SH3YL1: variants seen among roughly 807,000 people sequenced by gnomAD.
SH3YL1 encodes SH3 domain-containing YSC84-like protein 1.
A neutral mutation model predicts 45.8 loss-of-function variants in SH3YL1; 41 were observed. The observed-to-expected ratio is 0.89, with a 90% CI of 0.70 to 1.16. The LOEUF (loss-of-function observed/expected upper bound fraction) is 1.16, where lower values mean the gene tolerates loss of function less well. Among genes scored for constraint, SH3YL1 ranks in the 50% most tolerant of loss-of-function variants. The probability of loss-of-function intolerance (pLI) is 0.00; values close to 1 mark genes in which losing one functional copy is unlikely to be tolerated. For missense variants in SH3YL1, 389 were observed against 409.6 expected (o/e 0.95, Z 0.43); for synonymous variants, 152 against 151.4 (o/e 1.00, Z -0.03).
chr2:233,607 T>C (rs781128251), intron 5 of SH3YL1, among the ~76,000 whole-genome samples: 5 of 152,362 alleles, frequency 3.3e-5, no homozygotes, highest in African/African-American at 7.2e-5. Context: ...TATTTTTGCA[T>C]TGAGTATTTT....
At chr2:251,140 C>G (rs1332057807) in intron 2 of SH3YL1, among the ~76,000 whole-genome samples, 1 of 152,156 alleles carries the variant, frequency 6.6e-6, no homozygotes, top group Non-Finnish European at 1.5e-5. Context: ...CACTCAAATT[C>G]AGGGACACTA....
In SH3YL1 at chr2:239,982, T is replaced by A. The variant is rs898380155; in HGVS notation, c.292-5710A>T. ...GAAGGGGGTTTGCAAGAACACAGACTTCCTTCCCCCAGCCCCTGGTCAGGG... is the reference window on the plus strand; with the variant it reads ...GAAGGGGGTTTGCAAGAACACAGACATCCTTCCCCCAGCCCCTGGTCAGGG... On this transcript the variant is annotated intron_variant, in intron 4 of 9. Transcript: ENST00000356150. 5.9e-5 allele frequency: 9 copies of A among 152,338 alleles called. No individual in the cohort carries two copies. The East Asian group carries it at 1.7e-3, about 29-fold the overall frequency. 9.4% of individuals were successfully genotyped at this position (152,338 alleles called of 1,614,324 possible).
At chr2:252,240 T>C (rs1669100135) in intron 2 of SH3YL1, among the ~76,000 whole-genome samples, 1 of 152,230 alleles carries the variant, frequency 6.6e-6, no homozygotes, top group Non-Finnish European at 1.5e-5. Flanking sequence ...TGTTAGGAAT[T>C]ACTGATTAAT....
rs750869921 is a variant in SH3YL1, at chr2:233,150, C to T, written c.484G>A (p.Val162Met). The change falls in exon 6 of 10, where the codon GTG (valine) becomes ATG (methionine). Residue 162 changes from valine (V) to methionine (M), a missense_variant. Physicochemically the swap from Val to Met is conservative, Grantham distance 21 (BLOSUM62 1). Coordinates refer to ENST00000356150, the MANE Select transcript of SH3YL1 (RefSeq NM_015677.4). ...YCKSRGLFAG[V>M]SLEGSCLIER... ...ATCAAACAGCTCCCTTCTAAAGACA[C>T]GCCTGCAAAGAGTCCCCTTGACTTG... The T allele has an allele frequency of 3.7e-5, 59 of 1,600,490 alleles. No homozygotes were observed. The South Asian group carries it at 4.7e-4, about 13-fold the overall frequency.
intron 3 of SH3YL1, among the ~76,000 whole-genome samples, chr2:249,464 G>A (rs1418072317): frequency 1.3e-5 from 2 of 152,130 alleles, no homozygotes; most frequent in African/African-American, 2.4e-5. Context: ...TTTGCTCCAC[G>A]GAAGAATTAC....
intron 2 of SH3YL1, among the ~76,000 whole-genome samples, chr2:250,677 G>A (rs1382142332): frequency 6.6e-6 from 1 of 152,038 alleles, no homozygotes; most frequent in Non-Finnish European, 1.5e-5. Context: ...AGTCAGACAT[G>A]GGGCTCTAGT....
intron 4 of SH3YL1, among the ~76,000 whole-genome samples, chr2:243,145 G>A (rs1668621058): frequency 6.6e-6 from 1 of 152,042 alleles, no homozygotes; most frequent in African/African-American, 2.4e-5. Flanking sequence ...CAAGGATATG[G>A]AACAACTAAA....
intron 2 of SH3YL1, among the ~76,000 whole-genome samples, chr2:251,784 C>G (rs1669083627): frequency 6.6e-6 from 1 of 152,218 alleles, no homozygotes; most frequent in East Asian, 1.9e-4. Flanking sequence ...GGAGAAGTCA[C>G]CGGGCCAATG....
At chr2:247,427 A>G (rs921524511) in intron 4 of SH3YL1, 111 bp downstream of exon 4, 2 of 717,104 alleles carry the variant, frequency 2.8e-6, no homozygotes, top group Non-Finnish European at 4.4e-6. Flanking sequence ...ATTTTTCCTA[A>G]GTGCCAATGG....
chr2:245,276 T>C (rs1326555010), intron 4 of SH3YL1, among the ~76,000 whole-genome samples: 1 of 152,166 alleles, frequency 6.6e-6, no homozygotes, highest in African/African-American at 2.4e-5. Context: ...CTCCAATCCC[T>C]AGGAGATGCT....
At chr2:235,635 GGCA>G (rs1331222583) in intron 4 of SH3YL1, among the ~76,000 whole-genome samples, 9 of 103,686 alleles carry the variant, frequency 8.7e-5, no homozygotes, top group Non-Finnish European at 1.6e-4. Context: ...GGTCAGGGGA[GGCA>G]GCAGCATGGG....
At chr2:249,515 T>C (rs1212683427) in intron 3 of SH3YL1, among the ~76,000 whole-genome samples, 3 of 152,234 alleles carry the variant, frequency 2.0e-5, no homozygotes, top group African/African-American at 4.8e-5. Flanking sequence ...CTGTCTTGTC[T>C]TCTCTAATAT....
rs959240361 is a variant in SH3YL1 at position 262,836 on chromosome 2, TA to T, written c.1+1147del. 1.6e-5 allele frequency: 11 copies of T among 673,142 alleles called. No individual in the cohort carries two copies. The African/African-American group carries it at 2.1e-4, about 13-fold the overall frequency. The allele number at this position is 673,142 out of a possible 1,614,324, so 41.7% of individuals were successfully genotyped here. Reference sequence around the variant, plus strand: ...CACTTTTGATGAGCAAACATTATTTTAAACTTTTTTTTAACTTACAAAAGAT... The same window carrying T: ...CACTTTTGATGAGCAAACATTATTTTAACTTTTTTTTAACTTACAAAAGAT... On this transcript the variant is annotated intron_variant, in intron 1 of 9. Coordinates refer to ENST00000356150, the MANE Select transcript of SH3YL1 (RefSeq NM_015677.4).
chr2:233,401 G>C (rs555211955), intron 5 of SH3YL1, among the ~76,000 whole-genome samples, 172 bp from the exon 6 acceptor site: 25 of 152,322 alleles, frequency 1.6e-4, no homozygotes, highest in African/African-American at 5.3e-4. Context: ...ATGTGGCCTA[G>C]AGGAAAAACA....
chr2:229,586 G>A (rs1017290312), intron 8 of SH3YL1, among the ~76,000 whole-genome samples: 17 of 151,392 alleles, frequency 1.1e-4, no homozygotes, highest in South Asian at 4.2e-4. Flanking sequence ...AAAATTAGCC[G>A]GGCGTAGTGG....
At chr2:259,961 T>C (rs538626948) in intron 1 of SH3YL1, 3 of 152,126 alleles carry the variant, frequency 2.0e-5, no homozygotes, top group African/African-American at 4.8e-5. Context: ...AAAATTTCTA[T>C]ATTTCTATAT....
intron 4 of SH3YL1, among the ~76,000 whole-genome samples, chr2:246,195 CAA>C (rs1177107087): frequency 1.6e-5 from 2 of 124,842 alleles, no homozygotes; most frequent in Non-Finnish European, 1.7e-5. Flanking sequence ...AACTCCATCT[CAA>C]AAAAAAAAAG....
At chr2:227,090 T>C (rs891259741) in intron 8 of SH3YL1, among the ~76,000 whole-genome samples, 5 of 149,966 alleles carry the variant, frequency 3.3e-5, no homozygotes, top group Admixed American at 6.7e-5. Flanking sequence ...GTGGGGACTA[T>C]TATGGTGGGA....
chr2:249,398 G>A (rs575330406), intron 3 of SH3YL1, among the ~76,000 whole-genome samples: 117 of 152,290 alleles, frequency 7.7e-4, no homozygotes, highest in Non-Finnish European at 1.3e-3. Flanking sequence ...CCATGAAGTT[G>A]AGGAATAAGA....
Sources: gnomAD v4.1 joint callset for allele counts (sites outside exome capture counted in the v4.1 genomes callset) on GRCh38, gnomAD v4.1.1 for gene constraint, MANE v1.5 for transcripts, NCBI Gene and HGNC (gene_info 2026-07-23, HGNC 2026-07-21) for gene names.